Variants in KCNIP1 observed in about 807,000 individuals in gnomAD.
The protein encoded by KCNIP1 is A-type potassium channel modulatory protein KCNIP1.
Under a neutral mutation model 33.0 loss-of-function variants are expected in KCNIP1, and 18 were observed. The ratio of observed to expected loss-of-function variants is 0.55; its 90% CI spans 0.38 to 0.81. The LOEUF (loss-of-function observed/expected upper bound fraction) is 0.81. KCNIP1 is among the 30% of genes least tolerant of loss of function. The pLI, the probability that KCNIP1 is intolerant of heterozygous loss-of-function variation, is 0.00. For synonymous variants in KCNIP1, 93 were observed against 98.3 expected (o/e 0.95, Z 0.32); for missense variants, 238 against 271.6 (o/e 0.88, Z 0.87).
At chr5:170,550,068 G>A (rs1011659712) in intron 1 of KCNIP1, among the ~76,000 whole-genome samples, 33 of 152,192 alleles carry the variant, frequency 2.2e-4, no homozygotes, top group African/African-American at 7.5e-4. Context: ...TAAGAAAGAA[G>A]TAGCAAGTGC....
chr5:170,518,743 G>T (rs1336003126), intron 1 of KCNIP1, among the ~76,000 whole-genome samples: 1 of 152,166 alleles, frequency 6.6e-6, no homozygotes, highest in African/African-American at 2.4e-5. Context: ...CCTGGCCCTT[G>T]TACCCACCAC....
intron 1 of KCNIP1, among the ~76,000 whole-genome samples, chr5:170,358,075 A>G (rs1763395685): frequency 6.6e-6 from 1 of 152,080 alleles, no homozygotes. Context: ...CGCCTCACAG[A>G]CTTCCTGGGG....
At chr5:170,561,913 G>T (rs117247466) in intron 1 of KCNIP1, among the ~76,000 whole-genome samples, 1 of 152,050 alleles carries the variant, frequency 6.6e-6, no homozygotes, top group Non-Finnish European at 1.5e-5. Flanking sequence ...AATCAAAAAC[G>T]CATTTAGTAC....
intron 1 of KCNIP1, among the ~76,000 whole-genome samples, chr5:170,426,595 A>G (rs1475689153): frequency 1.3e-5 from 2 of 152,246 alleles, no homozygotes; most frequent in Non-Finnish European, 1.5e-5. Flanking sequence ...CGCATCTAGC[A>G]CTAGGGGCGC....
chr5:170,438,825 C>A (rs1230564290), intron 1 of KCNIP1, among the ~76,000 whole-genome samples: 1 of 152,204 alleles, frequency 6.6e-6, no homozygotes, highest in African/African-American at 2.4e-5. Context: ...CCAAGGACTG[C>A]CCAGCATCTG....
intron 1 of KCNIP1, among the ~76,000 whole-genome samples, chr5:170,648,871 G>A (rs1027029004): frequency 1.2e-4 from 19 of 152,064 alleles, no homozygotes; most frequent in African/African-American, 2.2e-4. Context: ...GGAGTATATG[G>A]GAACTCTTCT....
At chr5:170,414,695 T>C (rs1031076209) in intron 1 of KCNIP1, among the ~76,000 whole-genome samples, 1 of 152,268 alleles carries the variant, frequency 6.6e-6, no homozygotes, top group African/African-American at 2.4e-5. Context: ...ATGTTGACTA[T>C]TGAATGGATC....
At chr5:170,640,758 C>G (rs987901425) in intron 1 of KCNIP1, among the ~76,000 whole-genome samples, 10 of 152,130 alleles carry the variant, frequency 6.6e-5, no homozygotes, top group African/African-American at 2.2e-4. Context: ...CGGCCCTTGC[C>G]CGAGTCCCCA....
intron 1 of KCNIP1, among the ~76,000 whole-genome samples, chr5:170,698,535 A>G (rs1762976832): frequency 6.6e-6 from 1 of 152,134 alleles, no homozygotes. Flanking sequence ...AGGTCACATG[A>G]GATAGTGCAC....
At position 170,584,119 on chromosome 5, in the gene KCNIP1, G is replaced by A. The variant is rs779323677; in HGVS notation, c.61+79486G>A. 1.3e-4 allele frequency among the ~76,000 whole-genome samples: 20 copies of A among 152,304 alleles called. No homozygotes were observed. The South Asian group carries it at 2.1e-3, about 16-fold the overall frequency. The stretch of plus-strand genomic sequence containing the variant: ...TTAATGAGTAGAGGCTGCCTGAGGC[G>A]CTGCCTTGAGAACAGTTCTGAGGCT... On this transcript the variant is annotated intron_variant, in intron 1 of 7. Transcript: ENST00000328939.
chr5:170,546,978 A>G (rs1039410973), intron 1 of KCNIP1, among the ~76,000 whole-genome samples: 2 of 152,198 alleles, frequency 1.3e-5, no homozygotes, highest in African/African-American at 4.8e-5. Flanking sequence ...TTATTCAAAC[A>G]TAAAAAATTT....
intron 1 of KCNIP1, among the ~76,000 whole-genome samples, chr5:170,554,028 G>C (rs879553084): frequency 6.6e-6 from 1 of 152,216 alleles, no homozygotes; most frequent in Non-Finnish European, 1.5e-5. Context: ...TACATGTCCT[G>C]TCTAAGGAAA....
chr5:170,717,366 T>TA, intron 1 of KCNIP1, among the ~76,000 whole-genome samples: 1 of 152,314 alleles, frequency 6.6e-6, no homozygotes, highest in South Asian at 2.1e-4. Context: ...AAAGGCTCTG[T>TA]AAGAATTATG....
intron 1 of KCNIP1, among the ~76,000 whole-genome samples, chr5:170,575,559 A>G (rs545299212): frequency 6.6e-6 from 1 of 152,288 alleles, no homozygotes; most frequent in African/African-American, 2.4e-5. Context: ...GGCAGTGATC[A>G]TTTTTTAATC....
Position 170,504,217 on chromosome 5 carries a change from G to T in KCNIP1, c.-356G>T. ...GGCTCCCGCACCGCACGCGGCGCTG[G>T]CTCGGCAGCCTCGGCCGGGCGGCCG... On this transcript the variant is annotated 5_prime_UTR_variant, in exon 1 of 8. Transcript: ENST00000328939. This position sits in a 1 kb window ranked among gnomAD's most constrained non-coding sequence, Gnocchi z 6.0. 3 of 1,053,934 alleles carry T rather than the reference G, an allele frequency of 2.8e-6. No individual in the cohort carries two copies. Among genetic ancestry groups the T allele is most frequent in the Non-Finnish European group, 3.4e-6 (3 of 875,324 alleles). The allele number at this position is 1,053,934 out of a possible 1,614,324, so 65.3% of individuals were successfully genotyped here.
intron 1 of KCNIP1, among the ~76,000 whole-genome samples, chr5:170,688,155 T>A (rs1448441459): frequency 1.3e-5 from 2 of 152,200 alleles, no homozygotes; most frequent in East Asian, 3.8e-4. Flanking sequence ...ATTTTACAGA[T>A]GAGGCACAGA....
intron 1 of KCNIP1, among the ~76,000 whole-genome samples, chr5:170,585,103 G>A (rs1369685516): frequency 1.3e-5 from 2 of 152,068 alleles, no homozygotes; most frequent in Non-Finnish European, 1.5e-5. Flanking sequence ...GGGTCACACA[G>A]CTAAGAAGTC....
intron 1 of KCNIP1, among the ~76,000 whole-genome samples, chr5:170,457,665 C>T (rs990683772): frequency 6.6e-6 from 1 of 152,146 alleles, no homozygotes; most frequent in Non-Finnish European, 1.5e-5. Context: ...ATCAAGGGAA[C>T]ACCCCATGGG....
In KCNIP1 at chr5:170,720,358, A is replaced by G. The variant is rs1466457188; in HGVS notation, c.224A>G (p.Lys75Arg). The G allele has an allele frequency of 1.2e-6, 2 of 1,614,152 alleles. No individual in the cohort carries two copies. The highest frequency in any genetic ancestry group is 1.7e-6 in the Non-Finnish European group (2 of 1,180,006). Reference sequence around the variant, plus strand: ...GGTGTGGTCAACGAAGACACATTCAAGCAGATCTATGCTCAGTTTTTCCCT... The same window carrying G: ...GGTGTGGTCAACGAAGACACATTCAGGCAGATCTATGCTCAGTTTTTCCCT... ...PSGVVNEDTFKQIYAQFFPHG... is the reference protein window; with the variant it reads ...PSGVVNEDTFRQIYAQFFPHG... The change falls in exon 3 of 8, where the codon AAG becomes AGG. Residue 75 changes from lysine (K) to arginine (R), a missense_variant. Coordinates refer to ENST00000328939, the MANE Select transcript of KCNIP1 (RefSeq NM_014592.4).
Sources: gnomAD v4.1 joint callset for allele counts (sites outside exome capture counted in the v4.1 genomes callset) on GRCh38, gnomAD v4.1.1 for gene constraint, Gnocchi (gnomAD v3.1) non-coding constraint, MANE v1.5 for transcripts, NCBI Gene and HGNC (gene_info 2026-07-23, HGNC 2026-07-21) for gene names.